The following UNC13B variants were observed in gnomAD, a reference collection of about 807,000 sequenced individuals.
UNC13B encodes protein unc-13 homolog B.
Under a neutral mutation model 211.0 loss-of-function variants are expected in UNC13B, and 144 were observed. The ratio of observed to expected loss-of-function variants is 0.68; its 90% confidence interval spans 0.60 to 0.78. The LOEUF (loss-of-function observed/expected upper bound fraction) is 0.78. Ranked by LOEUF, UNC13B falls within the 30% of genes least tolerant of loss-of-function variation. UNC13B has a pLI of 0.00. For synonymous variants in UNC13B, 709 were observed against 725.8 expected, an observed-to-expected ratio of 0.98 and a Z score of 0.37; for missense variants, 1,777 against 2,002.0, an observed-to-expected ratio of 0.89 and a Z score of 2.14.
chr9:35,222,593 T>G (rs1824623014), intron 1 of UNC13B, among the ~76,000 whole-genome samples: 1 of 152,230 alleles, frequency 6.6e-6, no homozygotes, highest in African/African-American at 2.4e-5. Context: ...ACATAATAAC[T>G]GTACGTATTT....
intron 5 of UNC13B, among the ~76,000 whole-genome samples, chr9:35,239,832 C>T (rs1825710085): frequency 6.6e-6 from 1 of 152,200 alleles, no homozygotes; most frequent in South Asian, 2.1e-4. Flanking sequence ...CTCTGTTCCG[C>T]CCGGCCCACA....
rs536851225 is a variant in UNC13B, at chr9:35,384,375, G to T, written c.10875+61G>T. The T allele has an allele frequency of 6.8e-5, 106 of 1,563,678 alleles. 1 individual carries two copies. In the East Asian group the frequency reaches 2.4e-3, roughly 36 times the overall value. On this transcript the variant is annotated intron_variant, in intron 22 of 39. Coordinates refer to ENST00000635942, the MANE Select transcript of UNC13B (RefSeq NM_001371189.2). Reference sequence around the variant, plus strand: ...TATCAAGCACGGTCCCAGAGAGACTGTAGGCCAATCTTGGCTATAAAGATT... The same window carrying T: ...TATCAAGCACGGTCCCAGAGAGACTTTAGGCCAATCTTGGCTATAAAGATT...
intron 1 of UNC13B, among the ~76,000 whole-genome samples, chr9:35,180,799 A>AAAGAT (rs1229095244): frequency 6.6e-6 from 1 of 152,100 alleles, no homozygotes; most frequent in Non-Finnish European, 1.5e-5. Context: ...GTTAGGGGAA[A>AAAGAT]AAGATACAGA....
intron 16 of UNC13B, among the ~76,000 whole-genome samples, 193 bp downstream of exon 16, chr9:35,377,888 G>A (rs931736837): frequency 1.3e-5 from 2 of 151,952 alleles, no homozygotes; most frequent in African/African-American, 4.8e-5. Flanking sequence ...ATTGCTATCT[G>A]CAAACAACAT....
chr9:35,314,145 G>A (rs1039276205), intron 11 of UNC13B, among the ~76,000 whole-genome samples, 156 bp downstream of exon 11: 2 of 152,196 alleles, frequency 1.3e-5, no homozygotes, highest in South Asian at 4.1e-4. Context: ...ATGGGAAGTG[G>A]CCAGTGGCTT....
chr9:35,253,856 G>A (rs957069709), intron 6 of UNC13B, among the ~76,000 whole-genome samples: 1 of 152,156 alleles, frequency 6.6e-6, no homozygotes, highest in Non-Finnish European at 1.5e-5. Flanking sequence ...GATATGCTCT[G>A]TTCAACCTTA....
At chr9:35,327,591 A>G (rs10758305) in intron 11 of UNC13B, among the ~76,000 whole-genome samples, 55,350 of 152,006 alleles carry the variant, frequency 0.36, 10,634 homozygotes, top group African/African-American at 0.48. Context: ...ACTGGCAGCC[A>G]ATTAGATTGT....
rs747848443 is a variant in UNC13B at position 35,399,451 on chromosome 9, A to C, written c.12255+3A>C. ...TGAGCCATCTTTCCAAACTCAAGGTACTCTGGGTGTGGGGTCCTCCTGGCA... is the reference window on the plus strand; with the variant it reads ...TGAGCCATCTTTCCAAACTCAAGGTCCTCTGGGTGTGGGGTCCTCCTGGCA... On this transcript the variant is annotated splice_donor_region_variant and intron_variant, in intron 35 of 39. Coordinates refer to ENST00000635942, the MANE Select transcript of UNC13B (RefSeq NM_001371189.2). 1.2e-6 allele frequency: 2 copies of C among 1,613,794 alleles called. No homozygotes were observed. Among genetic ancestry groups the C allele is most frequent in the South Asian group, 2.2e-5 (2 of 91,038 alleles).
Position 35,302,118 on chromosome 9 carries a change from G to A in UNC13B, c.2714G>A (p.Arg905His), listed in dbSNP as rs986510920. ...GTTACTGTTAATGACCAGAGTTTACGTGGCTCAGCAGTAACCACTGATGAG... is the reference window on the plus strand; with the variant it reads ...GTTACTGTTAATGACCAGAGTTTACATGGCTCAGCAGTAACCACTGATGAG... ...SKVTVNDQSL[R>H]GSAVTTDEES... is the part of the protein sequence containing the mutation. The change falls in exon 9 of 40, where the codon CGT becomes CAT. Residue 905 changes from arginine to histidine, a missense_variant. Arg to His is a conservative substitution (Grantham distance 29). Coordinates refer to ENST00000635942, the MANE Select transcript of UNC13B (RefSeq NM_001371189.2). 1.5e-5 allele frequency: 6 copies of A among 398,602 alleles called. No homozygotes were observed. Among genetic ancestry groups the A allele is most frequent in the South Asian group, 1.3e-4 (1 of 7,858 alleles). The allele number at this position is 398,602 out of a possible 1,614,324, so 24.7% of individuals were successfully genotyped here.
chr9:35,402,452 T>C (rs1374392317), intron 37 of UNC13B, among the ~76,000 whole-genome samples: 1 of 151,986 alleles, frequency 6.6e-6, no homozygotes, highest in Non-Finnish European at 1.5e-5. Flanking sequence ...CAGCTAATTT[T>C]TTTGTATTTT....
intron 1 of UNC13B, among the ~76,000 whole-genome samples, chr9:35,195,508 G>T (rs1415665696): frequency 6.6e-6 from 1 of 152,020 alleles, no homozygotes; most frequent in Non-Finnish European, 1.5e-5. Context: ...CTTAACCTTG[G>T]CAAAAGTAAC....
intron 7 of UNC13B, among the ~76,000 whole-genome samples, chr9:35,276,504 AAT>A (rs1325787828): frequency 3.3e-5 from 5 of 152,122 alleles, no homozygotes; most frequent in African/African-American, 1.2e-4. Context: ...ATGTCCATAG[AAT>A]ATGTTAGTTT....
At chr9:35,200,951 A>G (rs1010637307) in intron 1 of UNC13B, among the ~76,000 whole-genome samples, 2 of 152,232 alleles carry the variant, frequency 1.3e-5, no homozygotes, top group African/African-American at 4.8e-5. Flanking sequence ...TTGCCCATTC[A>G]GTATGATATT....
chr9:35,276,506 TATGTTAGTTTCCTCACTA>T (rs1262619948), intron 7 of UNC13B, among the ~76,000 whole-genome samples: 2 of 152,172 alleles, frequency 1.3e-5, no homozygotes, highest in Non-Finnish European at 2.9e-5. Flanking sequence ...GTCCATAGAA[TATGTTAGTTTCCTCACTA>T]ATTTTGAATT....
chr9:35,308,555 G>A, intron 9 of UNC13B, 143 bp downstream of exon 9: 1 of 395,438 alleles, frequency 2.5e-6, no homozygotes, highest in East Asian at 3.6e-5. Flanking sequence ...TTAATTAGGG[G>A]TTAAATAACA....
In UNC13B at chr9:35,336,859, A is replaced by G. The variant is rs1332382011; in HGVS notation, c.9414+22870A>G. On this transcript the variant is annotated intron_variant, in intron 11 of 39. Transcript: ENST00000635942. ...CCAAAGTAGTTTTTCATGTTTATTT[A>G]CAAGTCTTATCTTCTGACAAAGCAC... Among the ~76,000 whole-genome samples, 4 of 152,184 alleles carry G rather than the reference A, an allele frequency of 2.6e-5. No individual in the cohort carries two copies. In the South Asian group the frequency reaches 6.2e-4, roughly 24 times the overall value.
At chr9:35,278,609 C>CT (rs11378915) in intron 7 of UNC13B, among the ~76,000 whole-genome samples, 93,678 of 147,804 alleles carry the variant, frequency 0.63, 29,993 homozygotes, top group Middle Eastern at 0.76. Flanking sequence ...CTTTTTGCCA[C>CT]TTTTTTTTTT....
chr9:35,346,689 C>T lies in UNC13B; in HGVS notation c.9415-20258C>T, dbSNP rs186886569. On this transcript the variant is annotated intron_variant, in intron 11 of 39. Coordinates refer to ENST00000635942, the MANE Select transcript of UNC13B (RefSeq NM_001371189.2). ...GAGCACAGAAAGGTATGGTTTTTGT[C>T]GGAATGTGTGTGTATGAAATTTGGA... is the stretch of plus-strand genomic sequence containing the variant. Among the ~76,000 whole-genome samples the T allele has an allele frequency of 1.1e-4, 17 of 152,162 alleles. No homozygotes were observed. The South Asian group carries it at 2.1e-3, about 19-fold the overall frequency.
In UNC13B at chr9:35,404,300, A is replaced by C; in HGVS notation, c.*267A>C. ...TTTCCATTAAGAGAGAAGGACAAAC[A>C]TTTCTGAGAGTGTCAGCCATTCTTG... On this transcript the variant is annotated 3_prime_UTR_variant, in exon 40 of 40. Coordinates refer to ENST00000635942, the MANE Select transcript of UNC13B (RefSeq NM_001371189.2). 2.0e-6 allele frequency: 1 copy of C among 494,898 alleles called. No homozygotes were observed. Among genetic ancestry groups the C allele is most frequent in the Non-Finnish European group, 3.6e-6 (1 of 276,132 alleles). 30.7% of individuals were successfully genotyped at this position (494,898 alleles called of 1,614,324 possible).
Sources: gnomAD v4.1 joint callset for allele counts (sites outside exome capture counted in the v4.1 genomes callset) on GRCh38, gnomAD v4.1.1 for gene constraint, MANE v1.5 for transcripts, NCBI Gene and HGNC (gene_info 2026-07-23, HGNC 2026-07-21) for gene names.